The following ZXDC variants were observed in gnomAD, a reference collection of about 807,000 sequenced individuals.
ZXDC encodes the protein ZXD family zinc finger C.
Under a neutral mutation model 63.6 loss-of-function variants are expected in ZXDC, and 58 were observed. That is an observed-to-expected ratio of 0.91 (90% CI 0.74 to 1.13). The LOEUF (loss-of-function observed/expected upper bound fraction) is 1.13. Ranked by LOEUF, ZXDC falls within the 50% of genes most tolerant of loss-of-function variation. The pLI is 0.00. For missense variants in ZXDC, 1,133 were observed against 1,148.9 expected, an observed-to-expected ratio of 0.99 and a Z score of 0.20; for synonymous variants, 561 against 496.1, an observed-to-expected ratio of 1.13 and a Z score of -1.74.
intron 7 of ZXDC, chr3:126,454,442 C>T (rs1180845855): frequency 6.1e-6 from 6 of 985,270 alleles, no homozygotes; most frequent in Non-Finnish European, 7.2e-6. Context: ...TTGAATTCTG[C>T]ACTTTTCATA....
rs112189387 is a variant in ZXDC at position 126,441,631 on chromosome 3, G to C, written c.2394+134C>G. On this transcript the variant is annotated intron_variant, in intron 8 of 9. Coordinates refer to ENST00000389709, the MANE Select transcript of ZXDC (RefSeq NM_025112.5). ...AGACAGGACTTGGGGCAGTCTACAG[G>C]GGAGGATGCACGAGGGGCAGGCAGG... is the stretch of plus-strand genomic sequence containing the variant. The C allele has an allele frequency of 4.8e-4, 681 of 1,425,344 alleles. 2 individuals are homozygous for C. In the African/African-American group the frequency reaches 8.6e-3, roughly 18 times the overall value. The allele number at this position is 1,425,344 out of a possible 1,614,324, so 88.3% of individuals were successfully genotyped here. A position where few individuals can be genotyped will look rare whatever the true frequency, so the allele number is the denominator to read the frequency against.
chr3:126,457,707 TA>T, intron 7 of ZXDC: 3 of 951,728 alleles, frequency 3.2e-6, no homozygotes, highest in Non-Finnish European at 3.8e-6. Context: ...GTCCCAGCTA[TA>T]AGTAAGAAAG....
rs562191177 is a variant in ZXDC at position 126,470,161 on chromosome 3, T to G, written c.1270+734A>C. The stretch of plus-strand genomic sequence containing the variant: ...TCAGTGTTTTAAAGGAAAAAACCAC[T>G]CTACTATACCTTTTAAAAAGTCAGG... On this transcript the variant is annotated intron_variant, in intron 4 of 9. Transcript: ENST00000389709. Among the ~76,000 whole-genome samples the G allele has an allele frequency of 5.9e-5, 9 of 152,270 alleles. No individual in the cohort carries two copies. The South Asian group carries it at 1.9e-3, about 32-fold the overall frequency.
chr3:126,463,958 T>C (rs758893457), intron 5 of ZXDC, among the ~76,000 whole-genome samples: 1 of 152,238 alleles, frequency 6.6e-6, no homozygotes, highest in Non-Finnish European at 1.5e-5. Flanking sequence ...ACTTCTTCAA[T>C]AAATATCCCT....
chr3:126,460,153 G>C, intron 6 of ZXDC: 1 of 985,148 alleles, frequency 1.0e-6, no homozygotes, highest in Non-Finnish European at 1.2e-6. Context: ...TCCCACCTTA[G>C]AGACCCACTG....
At chr3:126,440,069 C>T (rs1933617864) in intron 8 of ZXDC, 1 of 1,117,070 alleles carries the variant, frequency 9.0e-7, no homozygotes. Context: ...TGTACCCCCA[C>T]CAACCTTGTG....
In ZXDC at chr3:126,454,067, T is replaced by A. The variant is rs1050175465; in HGVS notation, c.2212+5586A>T. 1.1e-4 allele frequency: 87 copies of A among 799,352 alleles called. No homozygotes were observed. The African/African-American group carries it at 1.3e-3, about 12-fold the overall frequency. The allele number at this position is 799,352 out of a possible 1,614,324, so 49.5% of individuals were successfully genotyped here. A position where few individuals can be genotyped will look rare whatever the true frequency, so the allele number is the denominator to read the frequency against. On this transcript the variant is annotated intron_variant, in intron 7 of 9. Transcript: ENST00000389709. Reference sequence around the variant, plus strand: ...AGTACTACACATATATATATATATTTTTTTTTTTGGTAAAGACTTTTGTAT... The same window carrying A: ...AGTACTACACATATATATATATATTATTTTTTTTGGTAAAGACTTTTGTAT...
At position 126,451,699 on chromosome 3, in the gene ZXDC, G is replaced by A. The variant is rs769809936; in HGVS notation, c.2212+7954C>T. 148 of 985,326 alleles carry A rather than the reference G, an allele frequency of 1.5e-4. No individual in the cohort carries two copies. In the Admixed American group the frequency reaches 2.4e-3, roughly 16 times the overall value. 61.0% of individuals were successfully genotyped at this position (985,326 alleles called of 1,614,324 possible). ...TGTGAGCACCAACCGGCTGTGTCTC[G>A]CTCGTTGCCATCCTCCTCATGACCT... On this transcript the variant is annotated intron_variant, in intron 7 of 9. Transcript: ENST00000389709.
At chr3:126,455,122 CA>C (rs1353863675) in intron 7 of ZXDC, 1 of 984,740 alleles carries the variant, frequency 1.0e-6, no homozygotes, top group Non-Finnish European at 1.2e-6. Context: ...CTCTCAATCA[CA>C]AATGTTGAAA....
chr3:126,460,910 G>A (rs1219596003), intron 6 of ZXDC: 2 of 985,342 alleles, frequency 2.0e-6, no homozygotes, highest in Non-Finnish European at 2.4e-6. Flanking sequence ...ATCCCTATCT[G>A]ATCATTCCCA....
rs200817107 is a variant in ZXDC, at chr3:126,475,240, T to C, written c.626A>G (p.Lys209Arg). Residue 209 changes from lysine (K) to arginine (R), a missense_variant, in exon 1 of 10, where the codon AAG becomes AGG. Lys to Arg is a conservative substitution (Grantham distance 26). Coordinates refer to ENST00000389709, the MANE Select transcript of ZXDC (RefSeq NM_025112.5). ...HGGGQGRRPFKCPLEGCGWAF... is the reference protein window; with the variant it reads ...HGGGQGRRPFRCPLEGCGWAF... ...CCAACCACAGCCCTCCAGTGGGCACTTGAAGGGCCGCCGGCCCTGACCGCC... is the reference window on the plus strand; with the variant it reads ...CCAACCACAGCCCTCCAGTGGGCACCTGAAGGGCCGCCGGCCCTGACCGCC... 9.5e-4 allele frequency: 1,478 copies of C among 1,560,930 alleles called. No individual in the cohort carries two copies. Among genetic ancestry groups the C allele is most frequent in the Non-Finnish European group, 1.2e-3 (1,346 of 1,152,548 alleles).
intron 7 of ZXDC, chr3:126,454,300 AC>A: frequency 5.1e-6 from 5 of 984,460 alleles, no homozygotes; most frequent in Non-Finnish European, 6.0e-6. Context: ...ATTGGCTTTT[AC>A]ATTGTTTGAT....
intron 7 of ZXDC, chr3:126,454,383 A>G (rs1934230776): frequency 1.0e-6 from 1 of 985,304 alleles, no homozygotes; most frequent in Admixed American, 6.1e-5. Flanking sequence ...GCTACACATG[A>G]ACAGCAACCA....
chr3:126,451,812 T>G (rs1054023803), intron 7 of ZXDC: 2 of 985,146 alleles, frequency 2.0e-6, no homozygotes, highest in African/African-American at 3.5e-5. Context: ...GCTGATACAC[T>G]CTGGGAAATG....
chr3:126,462,196 G>A lies in ZXDC; in HGVS notation c.1466C>T (p.Pro489Leu), dbSNP rs767158620. Reference sequence around the variant, plus strand: ...TTCACTGCTGGGAGTAAGAGAACTCGGAGCTTCTAGCTGAGGTAAGAGATC... The same window carrying A: ...TTCACTGCTGGGAGTAAGAGAACTCAGAGCTTCTAGCTGAGGTAAGAGATC... ...RQDLLPQLEAPSSLTPSSELS... is the reference protein window; with the variant it reads ...RQDLLPQLEALSSLTPSSELS... The change falls in exon 6 of 10, where the codon CCG becomes CTG. Residue 489 changes from proline to leucine, a missense_variant. Physicochemically the swap from Pro to Leu is moderately conservative, Grantham distance 98 (BLOSUM62 -3). Transcript: ENST00000389709. 15 of 1,601,246 alleles carry A rather than the reference G, an allele frequency of 9.4e-6. No individual in the cohort carries two copies. The highest frequency in any genetic ancestry group is 6.7e-5 in the East Asian group (3 of 44,706).
chr3:126,473,512 C>T (rs75720634), intron 1 of ZXDC, among the ~76,000 whole-genome samples: 3 of 152,116 alleles, frequency 2.0e-5, no homozygotes, highest in African/African-American at 7.2e-5. Flanking sequence ...TGGAAGCAGG[C>T]GGGATCCCTG....
At chr3:126,450,259 C>G (rs1934045922) in intron 7 of ZXDC, 1 of 447,716 alleles carries the variant, frequency 2.2e-6, no homozygotes, top group Admixed American at 2.4e-5. Flanking sequence ...GCGTAAGGGT[C>G]AGTGGTGTGG....
intron 7 of ZXDC, chr3:126,451,814 T>C (rs1466567719): frequency 5.1e-6 from 5 of 985,352 alleles, no homozygotes; most frequent in Non-Finnish European, 6.0e-6. Flanking sequence ...TGATACACTC[T>C]GGGAAATGAT....
intron 7 of ZXDC, among the ~76,000 whole-genome samples, chr3:126,455,763 C>A (rs1297234957): frequency 6.6e-6 from 1 of 151,884 alleles, no homozygotes; most frequent in Non-Finnish European, 1.5e-5. Context: ...TTTGGGAGGC[C>A]GAGGCGGGCG....
Sources: gnomAD v4.1 joint callset for allele counts (sites outside exome capture counted in the v4.1 genomes callset) on GRCh38, gnomAD v4.1.1 for gene constraint, MANE v1.5 for transcripts, NCBI Gene and HGNC (gene_info 2026-07-23, HGNC 2026-07-21) for gene names.